Variants in ETV5 observed in about 807,000 individuals in gnomAD.
The protein encoded by ETV5 is ETS variant transcription factor 5.
ETV5 carries 10 observed loss-of-function variants against 70.0 expected under a neutral mutation model. The ratio of observed to expected loss-of-function variants is 0.14; its 90% confidence interval spans 0.09 to 0.24. The LOEUF (loss-of-function observed/expected upper bound fraction) is 0.24. Ranked by LOEUF, ETV5 falls within the 10% of genes least tolerant of loss-of-function variation. The pLI is 1.00. For missense variants in ETV5, 453 were observed against 651.2 expected (o/e 0.70, Z 3.31); for synonymous variants, 216 against 242.2 (o/e 0.89, Z 1.01).
chr3:186,065,385 C>G (rs1350254792), intron 8 of ETV5, among the ~76,000 whole-genome samples: 2 of 152,236 alleles, frequency 1.3e-5, no homozygotes, highest in South Asian at 2.1e-4. Context: ...CTACCTCACA[C>G]TTGGTAATTT....
chr3:186,103,665 ACACACT>A (rs1386688881), intron 5 of ETV5, among the ~76,000 whole-genome samples: 24 of 116,706 alleles, frequency 2.1e-4, no homozygotes, highest in Middle Eastern at 4.6e-3. Context: ...ACACACACAC[ACACACT>A]TGGATTATCT....
In ETV5 at chr3:186,105,151, A is replaced by T. The variant is rs532242313; in HGVS notation, c.232+154T>A. ...TTAGAAATAATTTTATTATGAAATAAAAGTTTTCAGGGTTAATTCTGAATT... is the reference window on the plus strand; with the variant it reads ...TTAGAAATAATTTTATTATGAAATATAAGTTTTCAGGGTTAATTCTGAATT... On this transcript the variant is annotated intron_variant, in intron 5 of 12. Transcript: ENST00000306376. The surrounding 1 kb of genome is among the most constrained non-coding windows in gnomAD (Gnocchi z 4.5). The T allele has an allele frequency of 1.8e-6, 1 of 571,190 alleles. No homozygotes were observed. Among genetic ancestry groups the T allele is most frequent in the African/African-American group, 1.9e-5 (1 of 51,806 alleles). 35.4% of individuals were successfully genotyped at this position (571,190 alleles called of 1,614,324 possible).
In ETV5 at chr3:186,052,956, T is replaced by C. The variant is rs754836364; in HGVS notation, c.1210-825A>G. On this transcript the variant is annotated intron_variant, in intron 11 of 12. Coordinates refer to ENST00000306376, the MANE Select transcript of ETV5 (RefSeq NM_004454.3). The surrounding 1 kb of genome is among the most constrained non-coding windows in gnomAD (Gnocchi z 4.5). ...AAAATCCTACTTATGAGAATGACTG[T>C]CAAGGTAGTAGAATAACCCTGGAAA... 3.9e-5 allele frequency among the ~76,000 whole-genome samples: 6 copies of C among 152,016 alleles called. No homozygotes were observed. The highest frequency in any genetic ancestry group is 1.2e-4 in the African/African-American group (5 of 41,374).
chr3:186,081,266 G>C, intron 5 of ETV5, 91 bp from the exon 6 acceptor site: 1 of 1,322,626 alleles, frequency 7.6e-7, no homozygotes, highest in African/African-American at 1.5e-5. Flanking sequence ...CTTCTAACTA[G>C]CTGATTGTTC....
intron 7 of ETV5, among the ~76,000 whole-genome samples, chr3:186,069,675 T>G (rs1205462002): frequency 6.6e-6 from 1 of 152,112 alleles, no homozygotes; most frequent in Non-Finnish European, 1.5e-5. Context: ...GCTGCGATTT[T>G]TAGTAGAAAC....
chr3:186,058,335 C>T (rs1713216645), intron 9 of ETV5, among the ~76,000 whole-genome samples: 1 of 152,230 alleles, frequency 6.6e-6, no homozygotes, highest in Non-Finnish European at 1.5e-5. Context: ...GATGGGGTCA[C>T]ATCCCTCCTT....
chr3:186,063,130 C>T lies in ETV5; in HGVS notation c.970+1287G>A, dbSNP rs569301792. ...CTAAAAATACAAAAAATTAGCCGGG[C>T]GTGGTGGCGGGCGCCTGTAGTCCCA... On this transcript the variant is annotated intron_variant, in intron 9 of 12. Coordinates refer to ENST00000306376, the MANE Select transcript of ETV5 (RefSeq NM_004454.3). Among the ~76,000 whole-genome samples, 252 of 152,128 alleles carry T rather than the reference C, an allele frequency of 1.7e-3. 1 individual carries two copies. The highest frequency in any genetic ancestry group is 5.1e-3 in the African/African-American group (211 of 41,508).
At chr3:186,082,428 CTT>C (rs1003609474) in intron 5 of ETV5, among the ~76,000 whole-genome samples, 65 of 139,672 alleles carry the variant, frequency 4.7e-4, no homozygotes, top group African/African-American at 9.5e-4. Flanking sequence ...TCACTTTTCT[CTT>C]TTTTTTTTTT....
At position 186,102,370 on chromosome 3, in the gene ETV5, C is replaced by T. The variant is rs149390501; in HGVS notation, c.232+2935G>A. Among the ~76,000 whole-genome samples, 223 of 152,216 alleles carry T rather than the reference C, an allele frequency of 1.5e-3. 2 individuals carry two copies. Among genetic ancestry groups the T allele is most frequent in the African/African-American group, 5.2e-3 (214 of 41,538 alleles). ...GTTACAGGCCGGGCACAGTGGCTCA[C>T]GCCTGTAATTCCAGCACTCTGGGAG... is the stretch of plus-strand genomic sequence containing the variant. On this transcript the variant is annotated intron_variant, in intron 5 of 12. Coordinates refer to ENST00000306376, the MANE Select transcript of ETV5 (RefSeq NM_004454.3).
intron 1 of ETV5, chr3:186,106,862 G>A (rs750023862): frequency 1.3e-4 from 96 of 749,058 alleles, no homozygotes; most frequent in Non-Finnish European, 1.5e-4. Context: ...TTTCAGGGAG[G>A]TACCATCTTC....
intron 5 of ETV5, among the ~76,000 whole-genome samples, chr3:186,101,155 T>A (rs764353944): frequency 6.6e-6 from 1 of 152,262 alleles, no homozygotes; most frequent in Non-Finnish European, 1.5e-5. Flanking sequence ...AAGGTACACA[T>A]TTAGCTACAT....
chr3:186,068,163 T>C (rs1713498135), intron 7 of ETV5, among the ~76,000 whole-genome samples: 1 of 152,230 alleles, frequency 6.6e-6, no homozygotes, highest in African/African-American at 2.4e-5. Context: ...ACAAAGATGG[T>C]CACCAATGCA....
chr3:186,081,014 C>T (rs1354429708), intron 6 of ETV5, 32 bp downstream of exon 6: 3 of 1,582,600 alleles, frequency 1.9e-6, no homozygotes, highest in South Asian at 2.3e-5. Flanking sequence ...CCTTTCTGGG[C>T]AGCCTTTCTT....
chr3:186,055,130 G>A (rs1190892227), intron 11 of ETV5, among the ~76,000 whole-genome samples: 1 of 152,224 alleles, frequency 6.6e-6, no homozygotes. Context: ...TGGTAGGAGT[G>A]CAGAAGATTC....
In ETV5 at chr3:186,079,861, C is replaced by T. The variant is rs1713887330; in HGVS notation, c.606G>A (p.Gln202=). The change falls in exon 7 of 13, where the codon CAG becomes CAA. Residue 202 remains glutamine (Q), a synonymous_variant. Transcript: ENST00000306376. ...AVPRPPHQPL[Q]MPKMMPENQY... is the part of the protein sequence containing the mutation. ...GGTTTTCAGGCATCATCTTTGGCAT[C>T]TGCAGGGGCTGATGTGGTGGTCGGG... 1 of 1,598,420 alleles carries T rather than the reference C, an allele frequency of 6.3e-7. No homozygotes were observed. Among genetic ancestry groups the T allele is most frequent in the Non-Finnish European group, 8.5e-7 (1 of 1,171,866 alleles).
chr3:186,079,760 T>G, intron 7 of ETV5, 57 bp downstream of exon 7: 89 of 1,507,776 alleles, frequency 5.9e-5, no homozygotes, highest in Non-Finnish European at 7.2e-5. Flanking sequence ...CCTCTCCCAG[T>G]GAGAAAGGAT....
At chr3:186,060,883 T>C (rs1470873893) in intron 9 of ETV5, among the ~76,000 whole-genome samples, 3 of 152,088 alleles carry the variant, frequency 2.0e-5, no homozygotes, top group Non-Finnish European at 4.4e-5. Context: ...CTCCCTCTCT[T>C]CCCCCACTCC....
At position 186,093,359 on chromosome 3, in the gene ETV5, A is replaced by G. The variant is rs115339181; in HGVS notation, c.232+11946T>C. Among the ~76,000 whole-genome samples, 229 of 152,294 alleles carry G rather than the reference A, an allele frequency of 1.5e-3. 1 individual carries two copies. The highest frequency in any genetic ancestry group is 5.2e-3 in the African/African-American group (218 of 41,556). The stretch of plus-strand genomic sequence containing the variant: ...TCTCATTATTTGAACTATAAGGTTT[A>G]TATTATCTAGTGGCTTCATATAACC... On this transcript the variant is annotated intron_variant, in intron 5 of 12. Transcript: ENST00000306376.
chr3:186,063,812 G>A (rs1713370191), intron 9 of ETV5, among the ~76,000 whole-genome samples: 1 of 151,954 alleles, frequency 6.6e-6, no homozygotes, highest in Admixed American at 6.6e-5. Flanking sequence ...CAAGGTTGGT[G>A]AAGAATACCT....
Sources: allele counts gnomAD v4.1 joint callset (sites outside exome capture counted in the v4.1 genomes callset), GRCh38; gene constraint gnomAD v4.1.1; non-coding constraint Gnocchi (gnomAD v3.1); transcripts MANE v1.5; gene names NCBI Gene and HGNC (gene_info 2026-07-23, HGNC 2026-07-21).